CSNK1A1: variants seen among roughly 807,000 people sequenced by gnomAD.
The protein encoded by CSNK1A1 is casein kinase I isoform alpha.
A neutral mutation model predicts 46.1 loss-of-function variants in CSNK1A1; 7 were observed. That is an observed-to-expected ratio of 0.15 (90% CI 0.09 to 0.29). CSNK1A1 has a LOEUF of 0.29. Among genes scored for constraint, CSNK1A1 ranks in the 10% least tolerant of loss-of-function variants. The pLI is 1.00. For synonymous variants in CSNK1A1, 137 were observed against 141.5 expected (o/e 0.97, Z 0.23); for missense variants, 96 against 417.1 (o/e 0.23, Z 6.71).
chr5:149,507,010 A>C lies in CSNK1A1; in HGVS notation c.857+17T>G. 1 of 1,589,646 alleles carries C rather than the reference A, an allele frequency of 6.3e-7. No homozygotes were observed. The highest frequency in any genetic ancestry group is 8.6e-7 in the Non-Finnish European group (1 of 1,164,478). On this transcript the variant is annotated intron_variant, in intron 8 of 9. Transcript: ENST00000377843. ...CCCTCACAGAGTTTATAATCTTAAA[A>C]TACCTTAAAAACTGACCTGAAAAGA...
At chr5:149,534,922 A>G (rs981672724) in intron 2 of CSNK1A1, among the ~76,000 whole-genome samples, 1 of 151,668 alleles carries the variant, frequency 6.6e-6, no homozygotes, top group Non-Finnish European at 1.5e-5. Context: ...AAAAAAAAAA[A>G]AAGCCCCTTA....
intron 9 of CSNK1A1, chr5:149,497,294 T>C (rs1447509814): frequency 1.0e-6 from 1 of 990,826 alleles, no homozygotes; most frequent in Non-Finnish European, 1.2e-6. Context: ...CGGTTAGCTT[T>C]AATAATAAAT....
chr5:149,537,150 TG>T (rs1443759384), intron 2 of CSNK1A1, among the ~76,000 whole-genome samples: 36 of 152,014 alleles, frequency 2.4e-4, no homozygotes, highest in Non-Finnish European at 4.9e-4. Context: ...CTGAGGCAGG[TG>T]GATCACTTGA....
intron 8 of CSNK1A1, among the ~76,000 whole-genome samples, chr5:149,506,788 A>G (rs530097595): frequency 3.3e-5 from 5 of 152,336 alleles, no homozygotes; most frequent in African/African-American, 1.2e-4. Flanking sequence ...ACTATTCTGG[A>G]AAAGTTACAT....
At chr5:149,542,720 G>C (rs1762345238) in intron 2 of CSNK1A1, among the ~76,000 whole-genome samples, 2 of 100,112 alleles carry the variant, frequency 2.0e-5, no homozygotes, top group Non-Finnish European at 3.9e-5. Flanking sequence ...TTTTGAGACA[G>C]AGGCTCGCTC....
chr5:149,535,111 C>T (rs73263995), intron 2 of CSNK1A1, among the ~76,000 whole-genome samples: 8,810 of 152,182 alleles, frequency 0.058, 612 homozygotes, highest in East Asian at 0.18. Context: ...AAACCCCAAA[C>T]GCTTTAAGTC....
Position 149,513,146 on chromosome 5 carries a change from G to T in CSNK1A1, c.520C>A (p.Pro174Thr). 2 of 1,614,048 alleles carry T rather than the reference G, an allele frequency of 1.2e-6. No individual in the cohort carries two copies. The highest frequency in any genetic ancestry group is 1.7e-6 in the Non-Finnish European group (2 of 1,179,972). The change falls in exon 5 of 10, where the codon CCA becomes ACA. Residue 174 changes from proline to threonine, a missense_variant. Pro to Thr is a conservative substitution (Grantham distance 38, BLOSUM62 -1). Coordinates refer to ENST00000377843, the MANE Select transcript of CSNK1A1 (RefSeq NM_001892.6). ...YRDNRTRQHI[P>T]YREDKNLTGT... ...GTGAGGTTTTTATCTTCTCTGTATGGTATGTGTTGCCTTGTCCTGTTGTCT... is the reference window on the plus strand; with the variant it reads ...GTGAGGTTTTTATCTTCTCTGTATGTTATGTGTTGCCTTGTCCTGTTGTCT...
At chr5:149,541,463 A>G (rs552369810) in intron 2 of CSNK1A1, among the ~76,000 whole-genome samples, 1 of 152,174 alleles carries the variant, frequency 6.6e-6, no homozygotes, top group Admixed American at 6.5e-5. Context: ...CGGCCAGTCA[A>G]CCAAAATTTT....
Position 149,517,757 on chromosome 5 carries a change from T to C in CSNK1A1, c.456+2533A>G. The stretch of plus-strand genomic sequence containing the variant: ...ACAATAAAAAAGAAAAGCACATGAA[T>C]TTGGGATTGAGGTTGGAATAGGAGA... On this transcript the variant is annotated intron_variant, in intron 4 of 9. Coordinates refer to ENST00000377843, the MANE Select transcript of CSNK1A1 (RefSeq NM_001892.6). The surrounding 1 kb of genome is among the most constrained non-coding windows in gnomAD (Gnocchi z 4.4). The C allele has an allele frequency of 1.6e-6, 2 of 1,259,440 alleles. No individual in the cohort carries two copies. The highest frequency in any genetic ancestry group is 2.3e-6 in the Non-Finnish European group (2 of 877,892). The allele number at this position is 1,259,440 out of a possible 1,614,324, so 78.0% of individuals were successfully genotyped here.
chr5:149,512,183 GT>G (rs1761245210), intron 5 of CSNK1A1, among the ~76,000 whole-genome samples: 1 of 151,812 alleles, frequency 6.6e-6, no homozygotes, highest in African/African-American at 2.4e-5. Context: ...ACATTTCTAT[GT>G]TTTGCAGAAA....
chr5:149,499,073 A>G, intron 9 of CSNK1A1: 1 of 985,432 alleles, frequency 1.0e-6, no homozygotes, highest in Non-Finnish European at 1.2e-6. Context: ...TTCTCCAGTG[A>G]ATTGTCCTAA....
At chr5:149,509,847 A>G (rs1761161721) in intron 7 of CSNK1A1, 32 bp downstream of exon 7, 1 of 1,545,196 alleles carries the variant, frequency 6.5e-7, no homozygotes, top group African/African-American at 1.4e-5. Context: ...GGCTTCATTT[A>G]TATTTTTTTA....
In CSNK1A1 at chr5:149,533,000, T is replaced by C. The variant is rs192818843; in HGVS notation, c.231-7829A>G. Among the ~76,000 whole-genome samples, 413 of 152,336 alleles carry C rather than the reference T, an allele frequency of 2.7e-3. 3 individuals carry two copies. Among genetic ancestry groups the C allele is most frequent in the African/African-American group, 9.3e-3 (388 of 41,572 alleles). On this transcript the variant is annotated intron_variant, in intron 2 of 9. Coordinates refer to ENST00000377843, the MANE Select transcript of CSNK1A1 (RefSeq NM_001892.6). ...AATAACGTAGTCAACTAAGATGATT[T>C]GTTTTCCCTCTTCTTGCTGCCTTGT...
In CSNK1A1 at chr5:149,513,200, T is replaced by C. The variant is rs1262654521; in HGVS notation, c.466A>G (p.Ile156Val). 1 of 1,613,284 alleles carries C rather than the reference T, an allele frequency of 6.2e-7. No individual in the cohort carries two copies. Among genetic ancestry groups the C allele is most frequent in the Non-Finnish European group, 8.5e-7 (1 of 1,179,720 alleles). The change falls in exon 5 of 10, where the codon ATT becomes GTT. Residue 156 changes from isoleucine (I) to valine (V), a missense_variant. Physicochemically the swap from Ile to Val is conservative, Grantham distance 29. Transcript: ENST00000377843. ...IGRHCNKLFL[I>V]DFGLAKKYRD... is the part of the protein sequence containing the mutation. ...TACTTTTTGGCCAAACCAAAATCAA[T>C]AAGGAATAACTTTAAAAGAGAAATA...
intron 8 of CSNK1A1, 53 bp from the exon 9 acceptor site, chr5:149,505,648 T>C (rs1478358337): frequency 1.4e-6 from 2 of 1,464,126 alleles, no homozygotes; most frequent in African/African-American, 1.4e-5. Context: ...AGTCCAGTTA[T>C]ATAACCTACT....
intron 2 of CSNK1A1, among the ~76,000 whole-genome samples, chr5:149,528,234 T>A (rs1761780505): frequency 6.6e-6 from 1 of 152,108 alleles, no homozygotes; most frequent in Admixed American, 6.5e-5. Context: ...ATTCTCAAAG[T>A]CAGGAGGATT....
rs149361366 is a variant in CSNK1A1, at chr5:149,500,899, A to G, written c.1007-4039T>C. 100 of 790,974 alleles carry G rather than the reference A, an allele frequency of 1.3e-4. No individual in the cohort carries two copies. The Middle Eastern group carries it at 2.0e-3, about 16-fold the overall frequency. 49.0% of individuals were successfully genotyped at this position (790,974 alleles called of 1,614,324 possible). A position where few individuals can be genotyped will look rare whatever the true frequency, so the allele number is the denominator to read the frequency against. ...GGAAAGATAAATGACAATTTTAAGT[A>G]TAGGAGGTATACACTATTCCTAAAC... On this transcript the variant is annotated intron_variant, in intron 9 of 9. Coordinates refer to ENST00000377843, the MANE Select transcript of CSNK1A1 (RefSeq NM_001892.6).
chr5:149,542,686 ATATATATTTT>A lies in CSNK1A1; in HGVS notation c.230+7379_230+7388del, dbSNP rs1762337306. Among the ~76,000 whole-genome samples the A allele has an allele frequency of 1.6e-4, 3 of 18,936 alleles. 1 individual carries two copies. Among genetic ancestry groups the A allele is most frequent in the African/African-American group, 6.7e-4 (3 of 4,456 alleles). The allele number at this position is 18,936 out of a possible 152,430, so 12.4% of individuals were successfully genotyped here. On this transcript the variant is annotated intron_variant, in intron 2 of 9. Coordinates refer to ENST00000377843, the MANE Select transcript of CSNK1A1 (RefSeq NM_001892.6). ...TATATATATATGTATATATATATAT[ATATATATTTT>A]TTTTTTTTTTTTTTTTTGAGACAGA...
At chr5:149,503,532 T>A (rs938656701) in intron 9 of CSNK1A1, 7 of 985,178 alleles carry the variant, frequency 7.1e-6, no homozygotes, top group Non-Finnish European at 7.2e-6. Flanking sequence ...GTTTATGTGA[T>A]AATTTGTATG....
Sources: gnomAD v4.1 joint callset for allele counts (sites outside exome capture counted in the v4.1 genomes callset) on GRCh38, gnomAD v4.1.1 for gene constraint, Gnocchi (gnomAD v3.1) non-coding constraint, MANE v1.5 for transcripts, NCBI Gene and HGNC (gene_info 2026-07-23, HGNC 2026-07-21) for gene names.